PDHA1: variants seen among roughly 807,000 people sequenced by gnomAD.
PDHA1 encodes pyruvate dehydrogenase E1 subunit alpha 1.
In PDHA1, 1 loss-of-function variant was observed where a neutral mutation model predicts 33.0. The ratio of observed to expected loss-of-function variants is 0.03; its 90% CI spans 0.01 to 0.14. The LOEUF is 0.14. Among genes scored for constraint, PDHA1 ranks in the 10% least tolerant of loss-of-function variants. The pLI, the probability that PDHA1 is intolerant of heterozygous loss-of-function variation, is 1.00. For synonymous variants in PDHA1, 123 were observed against 119.2 expected (o/e 1.03, Z -0.21); for missense variants, 168 against 325.1 (o/e 0.52, Z 3.72).
At chrX:19,345,264 C>T (rs867932292) in intron 1 of PDHA1, among the ~76,000 whole-genome samples, 43 of 110,746 alleles carry the variant, frequency 3.9e-4, no homozygotes, top group African/African-American at 1.4e-3. Context: ...TCTAGGAATC[C>T]TGTTGCCTAA....
chrX:19,358,632 CGGAATGCCA>C (rs2063224426), intron 9 of PDHA1, among the ~76,000 whole-genome samples: 1 of 111,748 alleles, frequency 8.9e-6, no homozygotes, highest in South Asian at 3.8e-4. Flanking sequence ...CCCCTGTTGT[CGGAATGCCA>C]GGGAAGCCAT....
Position 19,360,664 on chromosome X carries a change from AGC to A in PDHA1, c.*1013_*1014del, listed in dbSNP as rs912317775. On this transcript the variant is annotated 3_prime_UTR_variant, in exon 11 of 11. Transcript: ENST00000422285. ...ATGGCATTTTTAAATATGTAAACACAGCGGAATTCGTGTATACACTAACAGAA... is the reference window on the plus strand; with the variant it reads ...ATGGCATTTTTAAATATGTAAACACAGGAATTCGTGTATACACTAACAGAA... The A allele has an allele frequency of 2.9e-6, 2 of 695,129 alleles. No homozygotes were observed. Among genetic ancestry groups the A allele is most frequent in the African/African-American group, 4.3e-5 (2 of 46,327 alleles). 57.3% of individuals were successfully genotyped at this position (695,129 alleles called of 1,213,427 possible).
chrX:19,360,443 C>G lies in PDHA1; in HGVS notation c.*790C>G, dbSNP rs1438020111. 8.7e-6 allele frequency: 2 copies of G among 230,767 alleles called. No homozygotes were observed. Among genetic ancestry groups the G allele is most frequent in the African/African-American group, 6.0e-5 (2 of 33,184 alleles). 19.0% of individuals were successfully genotyped at this position (230,767 alleles called of 1,213,427 possible). A position where few individuals can be genotyped will look rare whatever the true frequency, so the allele number is the denominator to read the frequency against. On this transcript the variant is annotated 3_prime_UTR_variant, in exon 11 of 11. Transcript: ENST00000422285. Reference sequence around the variant, plus strand: ...TCATGGCTCACTGCAGCCTCCACACCTCCTGGGCTCAAGCAATCCTCCCAC... The same window carrying G: ...TCATGGCTCACTGCAGCCTCCACACGTCCTGGGCTCAAGCAATCCTCCCAC...
intron 8 of PDHA1, 152 bp downstream of exon 8, chrX:19,355,909 G>T: frequency 4.0e-6 from 2 of 504,712 alleles, no homozygotes; most frequent in Non-Finnish European, 3.5e-6. Flanking sequence ...CCTTTGGGTA[G>T]CTTGGTCTTG....
intron 1 of PDHA1, 63 bp from the exon 2 acceptor site, chrX:19,349,249 T>C (rs910952104): frequency 1.3e-6 from 1 of 755,176 alleles, no homozygotes; most frequent in East Asian, 3.2e-5. Context: ...CTGATTATTA[T>C]ACTTTCCAAA....
rs1569195856 is a variant in PDHA1 at position 19,360,722 on chromosome X, A to G, written c.*1069A>G. On this transcript the variant is annotated 3_prime_UTR_variant, in exon 11 of 11. Transcript: ENST00000422285. The stretch of plus-strand genomic sequence containing the variant: ...AACAAAACATGTAGCGTGGTGGGAC[A>G]CTCTGCCACAGCTTAGCTGATTGGT... The G allele has an allele frequency of 8.8e-7, 1 of 1,132,439 alleles. No homozygotes were observed. The highest frequency in any genetic ancestry group is 1.2e-6 in the Non-Finnish European group (1 of 826,431). 93.3% of individuals were successfully genotyped at this position (1,132,439 alleles called of 1,213,427 possible).
intron 8 of PDHA1, among the ~76,000 whole-genome samples, chrX:19,356,621 C>G (rs2147182805): frequency 8.9e-6 from 1 of 112,098 alleles, no homozygotes; most frequent in Non-Finnish European, 1.9e-5. Context: ...GACGCCACCT[C>G]TCCCAATTCC....
intron 3 of PDHA1, among the ~76,000 whole-genome samples, chrX:19,350,545 C>T (rs746104097): frequency 3.6e-5 from 4 of 112,490 alleles, no homozygotes; most frequent in Admixed American, 1.9e-4. Flanking sequence ...GGATTACAGG[C>T]GTGAGCCACT....
chrX:19,354,431 T>G, intron 5 of PDHA1, 60 bp from the exon 6 acceptor site: 1 of 683,714 alleles, frequency 1.5e-6, no homozygotes, highest in Non-Finnish European at 2.4e-6. Context: ...TGCAGGGCAT[T>G]AATTAGTATC....
Position 19,359,985 on chromosome X carries a change from A to ACAGCATTCTAC in PDHA1, c.*335_*345dup. On this transcript the variant is annotated 3_prime_UTR_variant, in exon 11 of 11. Coordinates refer to ENST00000422285, the MANE Select transcript of PDHA1 (RefSeq NM_000284.4). ...GGAGACCATTATGGCGGGGCCCCTC[A>ACAGCATTCTAC]CAGCATTCTACCAACCATAGCACCC... 3.4e-6 allele frequency: 1 copy of ACAGCATTCTAC among 292,254 alleles called. No individual in the cohort carries two copies. Among genetic ancestry groups the ACAGCATTCTAC allele is most frequent in the South Asian group, 3.6e-5 (1 of 27,916 alleles). 24.1% of individuals were successfully genotyped at this position (292,254 alleles called of 1,213,427 possible).
chrX:19,357,768 G>A (rs751490592), intron 9 of PDHA1, 49 bp downstream of exon 9: 42 of 961,193 alleles, frequency 4.4e-5, no homozygotes, highest in Non-Finnish European at 6.1e-5. Flanking sequence ...TTTGAATGGT[G>A]TTACATGGCA....
In PDHA1 at chrX:19,360,105, AAAATAAGACTTTT is replaced by A. The variant is rs960272070; in HGVS notation, c.*453_*465del. ...TCAGGCAAGAGGACAGTTCCATTTTAAAATAAGACTTTTGTAATCATTCCAATTTTGTAATCAT... is the reference window on the plus strand; with the variant it reads ...TCAGGCAAGAGGACAGTTCCATTTTAGTAATCATTCCAATTTTGTAATCAT... On this transcript the variant is annotated 3_prime_UTR_variant, in exon 11 of 11. Coordinates refer to ENST00000422285, the MANE Select transcript of PDHA1 (RefSeq NM_000284.4). 2 of 148,230 alleles carry A rather than the reference AAAATAAGACTTTT, an allele frequency of 1.3e-5. No homozygotes were observed. Among genetic ancestry groups the A allele is most frequent in the African/African-American group, 8.4e-5 (2 of 23,889 alleles). 12.2% of individuals were successfully genotyped at this position (148,230 alleles called of 1,213,427 possible).
chrX:19,359,785 AGCAGGTAGTAATT>A lies in PDHA1; in HGVS notation c.*136_*148del. 1 of 569,054 alleles carries A rather than the reference AGCAGGTAGTAATT, an allele frequency of 1.8e-6. No homozygotes were observed. The highest frequency in any genetic ancestry group is 2.4e-5 in the African/African-American group (1 of 41,574). 46.9% of individuals were successfully genotyped at this position (569,054 alleles called of 1,213,427 possible). A position where few individuals can be genotyped will look rare whatever the true frequency, so the allele number is the denominator to read the frequency against. ...AAACTTCCATTAAGTGTGTAGATTG[AGCAGGTAGTAATT>A]GCATGCAGTTTGTACATTAGTGCAT... On this transcript the variant is annotated 3_prime_UTR_variant, in exon 11 of 11. Transcript: ENST00000422285.
At position 19,349,228 on chromosome X, in the gene PDHA1, C is replaced by T. The variant is rs140575255; in HGVS notation, c.58-84C>T. On this transcript the variant is annotated intron_variant, in intron 1 of 10. Coordinates refer to ENST00000422285, the MANE Select transcript of PDHA1 (RefSeq NM_000284.4). The stretch of plus-strand genomic sequence containing the variant: ...GGGGCTTATTAAATTTCCATAACTT[C>T]ATTCTGATAACTGATTATTATACTT... The T allele has an allele frequency of 0.029, 19,097 of 650,473 alleles. 269 individuals are homozygous for T. The highest frequency in any genetic ancestry group is 0.038 in the Non-Finnish European group (15,212 of 395,165). The allele number at this position is 650,473 out of a possible 1,213,427, so 53.6% of individuals were successfully genotyped here. A position where few individuals can be genotyped will look rare whatever the true frequency, so the allele number is the denominator to read the frequency against.
At chrX:19,357,898 A>G (rs185227416) in intron 9 of PDHA1, among the ~76,000 whole-genome samples, 179 bp downstream of exon 9, 3 of 112,720 alleles carry the variant, frequency 2.7e-5, no homozygotes, top group African/African-American at 6.4e-5. Flanking sequence ...GCTTTCTGAA[A>G]ATGCCTACAG....
intron 6 of PDHA1, 97 bp from the exon 7 acceptor site, chrX:19,355,252 A>C: frequency 9.7e-7 from 1 of 1,033,364 alleles, no homozygotes; most frequent in East Asian, 3.0e-5. Flanking sequence ...TCTGTGCTTT[A>C]TGAAAGCTTT....
rs2063183732 is a variant in PDHA1 at position 19,354,720 on chromosome X, CT to C, written c.603+139del. The C allele has an allele frequency of 7.6e-6, 4 of 523,131 alleles. No individual in the cohort carries two copies. The Admixed American group carries it at 1.0e-4, about 14-fold the overall frequency. The allele number at this position is 523,131 out of a possible 1,213,427, so 43.1% of individuals were successfully genotyped here. On this transcript the variant is annotated intron_variant, in intron 6 of 10. Transcript: ENST00000422285. Reference sequence around the variant, plus strand: ...CTATGGCTAGCTCAAATTTGGTTGACTTATGGCCAGATTAGAGATTGACCTC... The same window carrying C: ...CTATGGCTAGCTCAAATTTGGTTGACTATGGCCAGATTAGAGATTGACCTC...
rs140380348 is a variant in PDHA1, at chrX:19,361,569, G to C, written c.*1916G>C. 6 of 1,207,428 alleles carry C rather than the reference G, an allele frequency of 5.0e-6. No individual in the cohort carries two copies. In the African/African-American group the frequency reaches 7.0e-5, roughly 14 times the overall value. On this transcript the variant is annotated 3_prime_UTR_variant, in exon 11 of 11. Transcript: ENST00000422285. ...CTCTTTATCTGTTCTCTGCCCGTAG[G>C]GGCCTGCTGGGTTCTCTGTAATACC...
Position 19,354,472 on chromosome X carries a change from C to T in PDHA1, c.511-19C>T, listed in dbSNP as rs780856898. 1.3e-5 allele frequency: 14 copies of T among 1,039,093 alleles called. No homozygotes were observed. Among genetic ancestry groups the T allele is most frequent in the Admixed American group, 4.4e-5 (2 of 45,404 alleles). The allele number at this position is 1,039,093 out of a possible 1,213,427, so 85.6% of individuals were successfully genotyped here. A position where few individuals can be genotyped will look rare whatever the true frequency, so the allele number is the denominator to read the frequency against. On this transcript the variant is annotated intron_variant, in intron 5 of 10. Transcript: ENST00000422285. ...TCATGGATTTCTGTGGTTCCTTTCT[C>T]GGTTGTCCTTAATGTTAGGTGCCCC...
Sources: gnomAD v4.1 joint callset for allele counts (sites outside exome capture counted in the v4.1 genomes callset) on GRCh38, gnomAD v4.1.1 for gene constraint, MANE v1.5 for transcripts, NCBI Gene and HGNC (gene_info 2026-07-23, HGNC 2026-07-21) for gene names.